Variants in ZFR observed in about 807,000 individuals in gnomAD.
ZFR encodes the protein zinc finger RNA binding protein, also known as zinc finger RNA-binding protein.
In ZFR, 19 loss-of-function variants were observed where a neutral mutation model predicts 130.7. That is an observed-to-expected ratio of 0.15 (90% CI 0.10 to 0.21). ZFR has a LOEUF of 0.21. Ranked by LOEUF, ZFR falls within the 10% of genes least tolerant of loss-of-function variation. The pLI, the probability that ZFR is intolerant of heterozygous loss-of-function variation, is 1.00. For synonymous variants in ZFR, 466 were observed against 456.9 expected (o/e 1.02, Z -0.25); for missense variants, 872 against 1,321.5 (o/e 0.66, Z 5.27).
At chr5:32,423,971 AAGG>A (rs777155844) in intron 2 of ZFR, among the ~76,000 whole-genome samples, 118 of 152,226 alleles carry the variant, frequency 7.8e-4, no homozygotes, top group Non-Finnish European at 5.7e-4. Flanking sequence ...TCAAGGATGG[AAGG>A]AGTTTACCTA....
Position 32,404,080 on chromosome 5 carries a change from T to A in ZFR, c.1050A>T (p.Leu350Phe). ...CTTTTTTTTTATGTTTCTGTCCTTCTAAATGTTCTTTATAAGTCTGTTTCA... is the reference window on the plus strand; with the variant it reads ...CTTTTTTTTTATGTTTCTGTCCTTCAAAATGTTCTTTATAAGTCTGTTTCA... ...CAGPQTYKEHLEGQKHKKKEA... is the reference protein window; with the variant it reads ...CAGPQTYKEHFEGQKHKKKEA... Residue 350 changes from leucine (L) to phenylalanine (F), a missense_variant, in exon 7 of 20, where the codon TTA becomes TTT. Leu to Phe is a conservative substitution (Grantham distance 22, BLOSUM62 0). This residue lies in a region of ZFR where 240 missense variants were observed against 441.2 expected (regional missense o/e 0.54). Coordinates refer to ENST00000265069, the MANE Select transcript of ZFR (RefSeq NM_016107.5). 6.2e-7 allele frequency: 1 copy of A among 1,607,688 alleles called. No homozygotes were observed. Among genetic ancestry groups the A allele is most frequent in the Non-Finnish European group, 8.5e-7 (1 of 1,178,348 alleles).
At chr5:32,418,827 A>T (rs1366045920) in intron 3 of ZFR, among the ~76,000 whole-genome samples, 2 of 152,224 alleles carry the variant, frequency 1.3e-5, no homozygotes, top group Admixed American at 1.3e-4. Context: ...AGATCCTAAA[A>T]GCAAATAAGC....
At chr5:32,401,892 G>C (rs1753455982) in intron 8 of ZFR, among the ~76,000 whole-genome samples, 1 of 152,178 alleles carries the variant, frequency 6.6e-6, no homozygotes, top group Admixed American at 6.5e-5. Context: ...TAAACAGCTG[G>C]AGAAGGCAAT....
chr5:32,383,017 C>A (rs1752965337), intron 15 of ZFR, among the ~76,000 whole-genome samples: 1 of 152,022 alleles, frequency 6.6e-6, no homozygotes, highest in Non-Finnish European at 1.5e-5. Flanking sequence ...GGTTAATCAC[C>A]AATTAGAAGA....
chr5:32,378,392 C>T (rs546328977), intron 17 of ZFR, among the ~76,000 whole-genome samples: 5 of 152,076 alleles, frequency 3.3e-5, no homozygotes, highest in African/African-American at 1.2e-4. Flanking sequence ...GATAGCAAGG[C>T]CATGCTTTTG....
chr5:32,400,142 A>G lies in ZFR; in HGVS notation c.1578T>C (p.Val526=), dbSNP rs1466081524. The G allele has an allele frequency of 1.9e-6, 3 of 1,612,762 alleles. No homozygotes were observed. The highest frequency in any genetic ancestry group is 1.3e-5 in the African/African-American group (1 of 74,914). ...CAGCAGAAGTGACAGGAGTACTTTTAACACATTCGGTTCCTTTTATGTCTT... is the reference window on the plus strand; with the variant it reads ...CAGCAGAAGTGACAGGAGTACTTTTGACACATTCGGTTCCTTTTATGTCTT... The part of the protein sequence containing the change: ...KAEDIKGTEC[V]KSTPVTSAVQ... The change falls in exon 9 of 20, where the codon GTT becomes GTC. Residue 526 remains valine (V), a synonymous_variant. Coordinates refer to ENST00000265069, the MANE Select transcript of ZFR (RefSeq NM_016107.5).
In ZFR at chr5:32,444,670, G is replaced by C; in HGVS notation, c.-12C>G. ...CATATGGGAATCATGGGCTCGGGCT[G>C]CTGCTGCTGAACTCTGAACTCTCAC... On this transcript the variant is annotated 5_prime_UTR_variant, in exon 1 of 20. Transcript: ENST00000265069. The C allele has an allele frequency of 6.6e-7, 1 of 1,510,524 alleles. No individual in the cohort carries two copies. The highest frequency in any genetic ancestry group is 8.9e-7 in the Non-Finnish European group (1 of 1,129,264). 93.6% of individuals were successfully genotyped at this position (1,510,524 alleles called of 1,614,324 possible). A position where few individuals can be genotyped will look rare whatever the true frequency, so the allele number is the denominator to read the frequency against.
intron 12 of ZFR, among the ~76,000 whole-genome samples, 189 bp downstream of exon 12, chr5:32,390,086 C>T (rs897315454): frequency 6.6e-6 from 1 of 152,188 alleles, no homozygotes; most frequent in African/African-American, 2.4e-5. Flanking sequence ...GGGAAGCGCA[C>T]GTTACGTGCA....
At chr5:32,370,851 C>A (rs903503978) in intron 17 of ZFR, among the ~76,000 whole-genome samples, 2 of 152,176 alleles carry the variant, frequency 1.3e-5, no homozygotes, top group Non-Finnish European at 2.9e-5. Flanking sequence ...AATTTGAAGG[C>A]AGAACACCAT....
At chr5:32,379,088 T>C in intron 17 of ZFR, 27 bp downstream of exon 17, 3 of 1,529,112 alleles carry the variant, frequency 2.0e-6, no homozygotes, top group Non-Finnish European at 2.7e-6. Flanking sequence ...TACATGTTTT[T>C]ACACCATACA....
chr5:32,411,901 G>GT (rs1330834882), intron 5 of ZFR, among the ~76,000 whole-genome samples: 1 of 152,006 alleles, frequency 6.6e-6, no homozygotes, highest in Non-Finnish European at 1.5e-5. Context: ...ACAAATTTTG[G>GT]TATCAATGGG....
chr5:32,369,908 A>G (rs886590637), intron 17 of ZFR, among the ~76,000 whole-genome samples: 1 of 151,990 alleles, frequency 6.6e-6, no homozygotes, highest in Admixed American at 6.6e-5. Context: ...CATTACCGCA[A>G]AGTAAACCCC....
intron 17 of ZFR, among the ~76,000 whole-genome samples, chr5:32,377,943 G>A (rs573438367): frequency 3.5e-4 from 54 of 152,146 alleles, no homozygotes; most frequent in African/African-American, 1.1e-3. Flanking sequence ...CGCCCGCCTC[G>A]GCCTCCCAAA....
intron 19 of ZFR, 124 bp from the exon 20 acceptor site, chr5:32,356,063 A>T (rs758385827): frequency 2.1e-5 from 14 of 673,882 alleles, no homozygotes; most frequent in Non-Finnish European, 2.5e-5. Flanking sequence ...CATTTAAAGG[A>T]ATTACTTTCA....
intron 5 of ZFR, among the ~76,000 whole-genome samples, chr5:32,412,913 G>C (rs182481637): frequency 6.6e-6 from 1 of 152,112 alleles, no homozygotes; most frequent in Non-Finnish European, 1.5e-5. Context: ...GGGCGGGCAC[G>C]GTGGCTCATG....
At position 32,400,020 on chromosome 5, in the gene ZFR, T is replaced by C; in HGVS notation, c.1700A>G (p.Asp567Gly). The C allele has an allele frequency of 6.2e-7, 1 of 1,606,424 alleles. No homozygotes were observed. The highest frequency in any genetic ancestry group is 8.5e-7 in the Non-Finnish European group (1 of 1,176,790). Residue 567 changes from aspartate to glycine, a missense_variant, in exon 9 of 20, where the codon GAT (aspartate) becomes GGT (glycine). Around this residue, in one of 7 missense-constraint regions of ZFR, gnomAD observed 54 missense variants for 119.9 expected, o/e 0.45. Coordinates refer to ENST00000265069, the MANE Select transcript of ZFR (RefSeq NM_016107.5). ...CAAATCAATTACCTCTTCCACATAA[T>C]CATGGCCCACTGGCTGCACATCACT... ...LQSDVQPVGH[D>G]YVEEVRNDEG...
Position 32,403,987 on chromosome 5 carries a change from C to G in ZFR, c.1143G>C (p.Gln381His). 1 of 1,614,138 alleles carries G rather than the reference C, an allele frequency of 6.2e-7. No individual in the cohort carries two copies. The highest frequency in any genetic ancestry group is 8.5e-7 in the Non-Finnish European group (1 of 1,179,984). ...SNSSTRGTQN[Q>H]LRCELCDVSC... ...ACACATCGCAGAGCTCACAACGTAG[C>G]TGATTTTGAGTCCCACGAGTAGAAC... The change falls in exon 7 of 20, where the codon CAG (glutamine) becomes CAC (histidine). Residue 381 changes from glutamine (Q) to histidine (H), a missense_variant. Physicochemically the swap from Gln to His is conservative, Grantham distance 24. Coordinates refer to ENST00000265069, the MANE Select transcript of ZFR (RefSeq NM_016107.5).
intron 2 of ZFR, among the ~76,000 whole-genome samples, chr5:32,426,276 C>T (rs1451296610): frequency 5.3e-5 from 8 of 151,816 alleles, no homozygotes; most frequent in South Asian, 2.1e-4. Context: ...GTTTAAAATA[C>T]GGTGACAAGT....
chr5:32,433,660 TTAATC>T (rs1754269848), intron 2 of ZFR, among the ~76,000 whole-genome samples: 1 of 152,232 alleles, frequency 6.6e-6, no homozygotes, highest in African/African-American at 2.4e-5. Flanking sequence ...TTTGGAATGT[TTAATC>T]TAATAACTCA....
Sources: gnomAD v4.1 joint callset for allele counts (sites outside exome capture counted in the v4.1 genomes callset) on GRCh38, gnomAD v4.1.1 for gene constraint, gnomAD v4.1.1 regional missense constraint, MANE v1.5 for transcripts, NCBI Gene and HGNC (gene_info 2026-07-23, HGNC 2026-07-21) for gene names.